Variants in KIAA0319L observed in about 807,000 individuals in gnomAD.
The protein encoded by KIAA0319L is dyslexia-associated protein KIAA0319-like protein.
A neutral mutation model predicts 120.1 loss-of-function variants in KIAA0319L; 55 were observed. The ratio of observed to expected loss-of-function variants is 0.46; its 90% CI spans 0.37 to 0.57. KIAA0319L has a LOEUF of 0.57. KIAA0319L is among the 20% of genes least tolerant of loss of function. The probability of loss-of-function intolerance (pLI) is 0.00; values close to 1 mark genes in which losing one functional copy is unlikely to be tolerated. For missense variants in KIAA0319L, 1,049 were observed against 1,255.3 expected, an observed-to-expected ratio of 0.84 and a Z score of 2.48; for synonymous variants, 398 against 471.9, an observed-to-expected ratio of 0.84 and a Z score of 2.03.
chr1:35,481,909 C>T (rs1399947521), intron 3 of KIAA0319L, among the ~76,000 whole-genome samples: 1 of 150,372 alleles, frequency 6.7e-6, no homozygotes, highest in Admixed American at 6.6e-5. Context: ...ACTGCAAGCT[C>T]CACCTCCCGG....
At chr1:35,534,882 A>G (rs902931284) in intron 2 of KIAA0319L, among the ~76,000 whole-genome samples, 1 of 145,284 alleles carries the variant, frequency 6.9e-6, no homozygotes, top group Non-Finnish European at 1.5e-5. Flanking sequence ...AAAAAAAAAA[A>G]AGAAAGAAAA....
In KIAA0319L at chr1:35,462,681, C is replaced by T; in HGVS notation, c.1234G>A (p.Val412Met). Residue 412 changes from valine to methionine, a missense_variant, in exon 8 of 21, where the codon GTG becomes ATG. Val to Met is a conservative substitution (Grantham distance 21, BLOSUM62 1). Coordinates refer to ENST00000325722, the MANE Select transcript of KIAA0319L (RefSeq NM_024874.5). ...PRKNRPPIAI[V>M]SPQFQEISLP... is the part of the protein sequence containing the mutation. ...GAGATCTCCTGGAACTGAGGTGACA[C>T]AATAGCAATGGGGGGCCGATTCTTA... The T allele has an allele frequency of 1.9e-6, 3 of 1,614,100 alleles. No homozygotes were observed. The highest frequency in any genetic ancestry group is 2.5e-6 in the Non-Finnish European group (3 of 1,179,970).
intron 2 of KIAA0319L, among the ~76,000 whole-genome samples, chr1:35,553,478 C>T (rs1483028467): frequency 6.6e-6 from 1 of 152,102 alleles, no homozygotes; most frequent in Non-Finnish European, 1.5e-5. Context: ...ACTGAAATTG[C>T]TAAATACAAT....
At chr1:35,537,471 C>A (rs551962666) in intron 2 of KIAA0319L, among the ~76,000 whole-genome samples, 13 of 135,970 alleles carry the variant, frequency 9.6e-5, no homozygotes, top group African/African-American at 3.1e-4. Context: ...GTAAATTAAA[C>A]AGAATTGTAG....
At chr1:35,485,589 T>C (rs1168842719) in intron 3 of KIAA0319L, among the ~76,000 whole-genome samples, 2 of 152,236 alleles carry the variant, frequency 1.3e-5, no homozygotes, top group African/African-American at 2.4e-5. Context: ...AGCCCTTCTA[T>C]GGCTCTCTTA....
chr1:35,445,003 C>T (rs1641512996), intron 16 of KIAA0319L, among the ~76,000 whole-genome samples: 1 of 152,066 alleles, frequency 6.6e-6, no homozygotes, highest in South Asian at 2.1e-4. Flanking sequence ...AGTAGCCTGC[C>T]CCTTGAGCTC....
intron 2 of KIAA0319L, among the ~76,000 whole-genome samples, chr1:35,524,004 T>G (rs560641317): frequency 6.6e-6 from 1 of 152,128 alleles, no homozygotes. Flanking sequence ...TAAGGCACTT[T>G]ACAGCAAGAA....
chr1:35,478,390 A>G (rs1643999620), intron 4 of KIAA0319L, among the ~76,000 whole-genome samples: 1 of 152,184 alleles, frequency 6.6e-6, no homozygotes, highest in African/African-American at 2.4e-5. Context: ...TTTTAATTGC[A>G]CATTTTAAAA....
chr1:35,454,732 C>G, intron 10 of KIAA0319L: 1 of 867,946 alleles, frequency 1.2e-6, no homozygotes, highest in Non-Finnish European at 1.6e-6. Flanking sequence ...AGCCAGAACT[C>G]TCATAAGAGA....
chr1:35,544,294 G>A (rs1226345141), intron 2 of KIAA0319L, among the ~76,000 whole-genome samples: 2 of 151,200 alleles, frequency 1.3e-5, no homozygotes, highest in Admixed American at 6.6e-5. Context: ...GCTTGAACCC[G>A]GAAGGTGGAA....
At chr1:35,528,417 A>T (rs1646236431) in intron 2 of KIAA0319L, among the ~76,000 whole-genome samples, 1 of 152,152 alleles carries the variant, frequency 6.6e-6, no homozygotes, top group African/African-American at 2.4e-5. Context: ...TTTAATTTCC[A>T]TGTATTTGTA....
chr1:35,552,454 A>G (rs1009010513), intron 2 of KIAA0319L, among the ~76,000 whole-genome samples: 2 of 152,116 alleles, frequency 1.3e-5, no homozygotes, highest in Admixed American at 6.5e-5. Flanking sequence ...TTAGAATCCT[A>G]CCTCCACCAT....
chr1:35,554,681 G>C (rs1203480252), intron 1 of KIAA0319L, 162 bp from the exon 2 acceptor site: 2 of 456,230 alleles, frequency 4.4e-6, no homozygotes, highest in Non-Finnish European at 7.7e-6. Flanking sequence ...GGGCTTTGAG[G>C]TAGCCTATAA....
chr1:35,450,631 C>T (rs2149088963), intron 13 of KIAA0319L, 122 bp from the exon 14 acceptor site: 1 of 872,764 alleles, frequency 1.1e-6, no homozygotes, highest in Non-Finnish European at 1.8e-6. Flanking sequence ...TTTTTAAGTG[C>T]CTGTCCCTGC....
chr1:35,549,379 G>A (rs1647112638), intron 2 of KIAA0319L, among the ~76,000 whole-genome samples: 1 of 152,096 alleles, frequency 6.6e-6, no homozygotes, highest in Non-Finnish European at 1.5e-5. Flanking sequence ...TCCAGAGAAA[G>A]GATTGTATTG....
At chr1:35,458,752 A>G (rs1461999301) in intron 9 of KIAA0319L, among the ~76,000 whole-genome samples, 4 of 152,252 alleles carry the variant, frequency 2.6e-5, no homozygotes, top group African/African-American at 7.2e-5. Flanking sequence ...TGTTCAAGAA[A>G]TATCAGCTAT....
chr1:35,442,862 T>C (rs770904848), intron 18 of KIAA0319L, 44 bp downstream of exon 18: 22 of 1,613,430 alleles, frequency 1.4e-5, no homozygotes, highest in African/African-American at 5.3e-5. Flanking sequence ...CAGAACCACA[T>C]TCAGCGCCAA....
At chr1:35,463,087 T>C (rs1384287217) in intron 7 of KIAA0319L, among the ~76,000 whole-genome samples, 5 of 152,172 alleles carry the variant, frequency 3.3e-5, no homozygotes, top group Non-Finnish European at 7.3e-5. Context: ...TCACCCGCCA[T>C]TTACCTCCTG....
chr1:35,447,821 C>T (rs1641746367), intron 16 of KIAA0319L, among the ~76,000 whole-genome samples: 1 of 152,166 alleles, frequency 6.6e-6, no homozygotes, highest in Admixed American at 6.5e-5. Flanking sequence ...CTTTGGATTA[C>T]TCCTACCCCA....
Sources: allele counts gnomAD v4.1 joint callset (sites outside exome capture counted in the v4.1 genomes callset), GRCh38; gene constraint gnomAD v4.1.1; transcripts MANE v1.5; gene names NCBI Gene and HGNC (gene_info 2026-07-23, HGNC 2026-07-21).